The following GPHN variants were observed in gnomAD, a reference collection of about 807,000 sequenced individuals.
The protein encoded by GPHN is gephyrin.
A neutral mutation model predicts 95.5 loss-of-function variants in GPHN; 17 were observed. That is an observed-to-expected ratio of 0.18 (90% CI 0.12 to 0.27). The LOEUF (loss-of-function observed/expected upper bound fraction) is 0.27, where lower values mean the gene tolerates loss of function less well. GPHN is among the 10% of genes least tolerant of loss of function. The pLI is 1.00. For synonymous variants in GPHN, 320 were observed against 322.5 expected (o/e 0.99, Z 0.08); for missense variants, 660 against 978.1 (o/e 0.67, Z 4.34).
intron 1 of GPHN, among the ~76,000 whole-genome samples, chr14:66,663,500 C>T (rs537038308): frequency 3.6e-4 from 55 of 152,284 alleles, no homozygotes; most frequent in Middle Eastern, 3.4e-3. Flanking sequence ...AAGGAAAAAT[C>T]GTTACCAGCC....
intron 18 of GPHN, among the ~76,000 whole-genome samples, chr14:67,153,109 G>A (rs767789724): frequency 3.9e-5 from 6 of 152,142 alleles, no homozygotes; most frequent in Non-Finnish European, 8.8e-5. Context: ...AACCAGCCCA[G>A]GCAACATGGC....
chr14:66,628,673 ATTTAC>A (rs1003732467), intron 1 of GPHN, among the ~76,000 whole-genome samples: 2 of 152,148 alleles, frequency 1.3e-5, no homozygotes, highest in South Asian at 2.1e-4. Flanking sequence ...TCAATAATAA[ATTTAC>A]TTTAGCTTAC....
At chr14:67,290,405 G>A in the GPHN span, among the ~76,000 whole-genome samples, 1 of 152,118 alleles carries the variant, frequency 6.6e-6, no homozygotes, top group East Asian at 1.9e-4. Flanking sequence ...TAAATCAGTG[G>A]AAAAGGAATT....
At chr14:67,448,495 G>C in the GPHN span, among the ~76,000 whole-genome samples, 1 of 152,060 alleles carries the variant, frequency 6.6e-6, no homozygotes, top group Admixed American at 6.6e-5. Context: ...CTTAAATTTG[G>C]TGCCAACCTC....
chr14:67,320,735 A>G, the GPHN span, among the ~76,000 whole-genome samples: 1 of 152,208 alleles, frequency 6.6e-6, no homozygotes, highest in African/African-American at 2.4e-5. Flanking sequence ...ATAAGATTAT[A>G]TGGTACCTAA....
chr14:67,671,163 T>C, the GPHN span, among the ~76,000 whole-genome samples: 1 of 152,222 alleles, frequency 6.6e-6, no homozygotes, highest in South Asian at 2.1e-4. Context: ...GGACTTATTA[T>C]AATTCTAGGG....
At chr14:66,837,057 C>A (rs2061855340) in intron 4 of GPHN, among the ~76,000 whole-genome samples, 2 of 150,098 alleles carry the variant, frequency 1.3e-5, no homozygotes, top group Non-Finnish European at 3.0e-5. Context: ...GGATCTAGAA[C>A]TAGAAATACC....
chr14:66,833,642 G>C (rs1197733941), intron 4 of GPHN, among the ~76,000 whole-genome samples: 1 of 147,942 alleles, frequency 6.8e-6, no homozygotes, highest in Non-Finnish European at 1.5e-5. Flanking sequence ...ATTCTCTTTG[G>C]AGGTTGTTTT....
intron 9 of GPHN, chr14:66,985,632 G>C: frequency 8.0e-7 from 1 of 1,253,178 alleles, no homozygotes; most frequent in Non-Finnish European, 1.1e-6. Flanking sequence ...AAATTTTTAA[G>C]TTCACTTTTT....
At chr14:67,695,951 C>A in the GPHN span, 23 of 493,072 alleles carry the variant, frequency 4.7e-5, no homozygotes, top group Admixed American at 2.2e-4. Context: ...GGATCATTCA[C>A]CCAGCTCTCA....
At chr14:67,729,454 C>A in the GPHN span, 1 of 1,431,136 alleles carries the variant, frequency 7.0e-7, no homozygotes, top group Non-Finnish European at 9.7e-7. Context: ...GCTGTTCATC[C>A]TGAGAAGCTG....
the GPHN span, among the ~76,000 whole-genome samples, chr14:67,327,435 C>CT: frequency 2.2e-4 from 32 of 145,554 alleles, no homozygotes; most frequent in Admixed American, 3.4e-4. Flanking sequence ...GGACGGATCA[C>CT]TTTTTTTTTT....
chr14:66,714,032 G>A (rs1056972055), intron 2 of GPHN, among the ~76,000 whole-genome samples: 4 of 152,164 alleles, frequency 2.6e-5, no homozygotes, highest in African/African-American at 9.7e-5. Context: ...GCCTCCCAAA[G>A]TGCTGGGATT....
chr14:67,530,760 G>C, the GPHN span, among the ~76,000 whole-genome samples: 1 of 152,212 alleles, frequency 6.6e-6, no homozygotes, highest in Admixed American at 6.5e-5. Flanking sequence ...GTGAGAGCCA[G>C]AGCAGGCCAA....
At chr14:66,959,276 T>C (rs529838786) in intron 8 of GPHN, among the ~76,000 whole-genome samples, 1 of 152,234 alleles carries the variant, frequency 6.6e-6, no homozygotes, top group South Asian at 2.1e-4. Flanking sequence ...TTTACCTATG[T>C]AGAGTTCTGT....
chr14:66,790,671 A>G (rs1195542515), intron 3 of GPHN, among the ~76,000 whole-genome samples: 1 of 152,210 alleles, frequency 6.6e-6, no homozygotes, highest in Non-Finnish European at 1.5e-5. Flanking sequence ...GGAAAGGGAA[A>G]GGGGAGAAAG....
the GPHN span, chr14:67,203,169 T>C: frequency 6.2e-7 from 1 of 1,613,924 alleles, no homozygotes; most frequent in Non-Finnish European, 8.5e-7. Context: ...TTTTTCCAGC[T>C]CCACCCACAA....
At chr14:67,477,709 G>A in the GPHN span, among the ~76,000 whole-genome samples, 2 of 152,146 alleles carry the variant, frequency 1.3e-5, no homozygotes, top group Admixed American at 1.3e-4. Context: ...AGGATCGCTC[G>A]AGCCCAGAAC....
intron 1 of GPHN, among the ~76,000 whole-genome samples, chr14:66,536,514 A>C (rs1450490164): frequency 2.2e-5 from 3 of 139,218 alleles, no homozygotes; most frequent in Non-Finnish European, 3.0e-5. Context: ...GGCCTGTAAT[A>C]GTCCTTTATT....
Sources: allele counts gnomAD v4.1 joint callset (sites outside exome capture counted in the v4.1 genomes callset), GRCh38; gene constraint gnomAD v4.1.1; transcripts MANE v1.5; gene names NCBI Gene and HGNC (gene_info 2026-07-23, HGNC 2026-07-21).